PDSS2: variants seen among roughly 807,000 people sequenced by gnomAD.
PDSS2 encodes the protein decaprenyl diphosphate synthase subunit 2.
Under a neutral mutation model 44.5 loss-of-function variants are expected in PDSS2, and 31 were observed. The observed-to-expected ratio is 0.70, with a 90% CI of 0.52 to 0.94. The LOEUF (loss-of-function observed/expected upper bound fraction) is 0.94, where lower values mean the gene tolerates loss of function less well. Among genes scored for constraint, PDSS2 ranks in the 40% least tolerant of loss-of-function variants. PDSS2 has a pLI of 0.00. For synonymous variants in PDSS2, 157 were observed against 180.3 expected (o/e 0.87, Z 1.03); for missense variants, 452 against 482.2 (o/e 0.94, Z 0.59).
At chr6:107,314,414 A>G (rs1217667377) in intron 2 of PDSS2, among the ~76,000 whole-genome samples, 1 of 152,106 alleles carries the variant, frequency 6.6e-6, no homozygotes, top group Non-Finnish European at 1.5e-5. Flanking sequence ...TTCTTTAATT[A>G]CAGTTTCCCA....
chr6:107,376,659 C>T (rs1779294365), intron 1 of PDSS2, among the ~76,000 whole-genome samples: 2 of 152,062 alleles, frequency 1.3e-5, no homozygotes, highest in African/African-American at 4.8e-5. Flanking sequence ...AGATTTTGGG[C>T]TGAGACAATG....
At chr6:107,245,237 G>T (rs1254611673) in intron 4 of PDSS2, among the ~76,000 whole-genome samples, 1 of 152,068 alleles carries the variant, frequency 6.6e-6, no homozygotes. Context: ...AGCACGAGCT[G>T]CTCCTCCAGC....
At chr6:107,234,737 A>G (rs1011430804) in intron 4 of PDSS2, among the ~76,000 whole-genome samples, 1 of 152,144 alleles carries the variant, frequency 6.6e-6, no homozygotes, top group African/African-American at 2.4e-5. Flanking sequence ...TAGATGCAAA[A>G]CATTGGTGTC....
intron 3 of PDSS2, among the ~76,000 whole-genome samples, chr6:107,272,619 A>T (rs903504778): frequency 1.3e-5 from 2 of 152,200 alleles, no homozygotes; most frequent in African/African-American, 4.8e-5. Context: ...ATCAAACCTA[A>T]TCCTAACTGA....
intron 7 of PDSS2, among the ~76,000 whole-genome samples, chr6:107,169,836 G>A (rs1161775857): frequency 2.0e-5 from 3 of 152,114 alleles, no homozygotes; most frequent in Non-Finnish European, 4.4e-5. Context: ...TGTTCCTCTG[G>A]AAGCCTTGTC....
intron 4 of PDSS2, among the ~76,000 whole-genome samples, chr6:107,235,964 C>G (rs994449022): frequency 6.6e-6 from 1 of 151,704 alleles, no homozygotes; most frequent in African/African-American, 2.4e-5. Context: ...TTAAAGCAGC[C>G]TACTATGTAA....
chr6:107,227,963 A>C (rs892824827), intron 4 of PDSS2, among the ~76,000 whole-genome samples: 14 of 152,212 alleles, frequency 9.2e-5, no homozygotes, highest in African/African-American at 3.4e-4. Context: ...GCCTATAGAC[A>C]GATGGTAATT....
intron 4 of PDSS2, among the ~76,000 whole-genome samples, chr6:107,227,278 C>CCTTTT (rs1773861831): frequency 9.7e-6 from 1 of 102,812 alleles, no homozygotes; most frequent in Admixed American, 9.6e-5. Context: ...CCACTGTGCC[C>CCTTTT]TTTTTTTTTT....
chr6:107,297,527 C>T (rs1262100592), intron 2 of PDSS2, among the ~76,000 whole-genome samples: 3 of 151,562 alleles, frequency 2.0e-5, no homozygotes, highest in African/African-American at 7.3e-5. Context: ...GGGTTACAGG[C>T]GTCCGTCACC....
chr6:107,225,109 C>T (rs997130316), intron 4 of PDSS2, among the ~76,000 whole-genome samples: 8 of 119,354 alleles, frequency 6.7e-5, no homozygotes, highest in African/African-American at 3.7e-5. Flanking sequence ...CCAAGAAGGA[C>T]GAAGGAAGCT....
intron 1 of PDSS2, among the ~76,000 whole-genome samples, chr6:107,336,426 T>A (rs1234892167): frequency 6.6e-6 from 1 of 152,102 alleles, no homozygotes; most frequent in Non-Finnish European, 1.5e-5. Flanking sequence ...CTTAACCAAG[T>A]AGGCAATCTT....
chr6:107,265,440 T>C (rs1390163434), intron 3 of PDSS2, among the ~76,000 whole-genome samples: 2 of 152,172 alleles, frequency 1.3e-5, no homozygotes, highest in African/African-American at 4.8e-5. Context: ...TAATTACCAA[T>C]ATACATCCTC....
intron 1 of PDSS2, among the ~76,000 whole-genome samples, chr6:107,342,836 C>T (rs1388052927): frequency 1.3e-5 from 2 of 152,210 alleles, no homozygotes; most frequent in Non-Finnish European, 2.9e-5. Flanking sequence ...AACAACTTCA[C>T]CACCACCAAG....
At chr6:107,430,100 C>T (rs982624497) in intron 1 of PDSS2, among the ~76,000 whole-genome samples, 1 of 151,598 alleles carries the variant, frequency 6.6e-6, no homozygotes, top group African/African-American at 2.4e-5. Flanking sequence ...CTTCAGCTCC[C>T]TATTTTCTAT....
intron 7 of PDSS2, among the ~76,000 whole-genome samples, chr6:107,156,872 A>G (rs1310564071): frequency 6.6e-6 from 1 of 152,100 alleles, no homozygotes; most frequent in East Asian, 1.9e-4. Context: ...CAGTCTTTCT[A>G]TCTCTTCAGA....
chr6:107,293,539 G>A lies in PDSS2; in HGVS notation c.432-19312C>T, dbSNP rs564163447. ...TTCAGTTCTCTGCTCTGATAATTAC[G>A]AATTGTATCCATGGTCTGGCAGGTG... On this transcript the variant is annotated intron_variant, in intron 2 of 7. Transcript: ENST00000369037. Among the ~76,000 whole-genome samples the A allele has an allele frequency of 1.2e-4, 19 of 152,186 alleles. No homozygotes were observed. The South Asian group carries it at 3.1e-3, about 25-fold the overall frequency.
At chr6:107,234,028 A>G (rs1774144051) in intron 4 of PDSS2, among the ~76,000 whole-genome samples, 1 of 152,052 alleles carries the variant, frequency 6.6e-6, no homozygotes. Flanking sequence ...AAAATAAGTT[A>G]TCTGTATCAT....
chr6:107,408,467 A>T (rs1159115598), intron 1 of PDSS2, among the ~76,000 whole-genome samples: 1 of 152,224 alleles, frequency 6.6e-6, no homozygotes, highest in Middle Eastern at 3.2e-3. Flanking sequence ...GAGTCCTCTG[A>T]GACTGTAACT....
intron 1 of PDSS2, among the ~76,000 whole-genome samples, chr6:107,413,359 T>C (rs1157640828): frequency 3.9e-5 from 6 of 152,128 alleles, no homozygotes; most frequent in Non-Finnish European, 8.8e-5. Flanking sequence ...CTGAGCAACA[T>C]AGCAAGACTC....
Sources: allele counts gnomAD v4.1 joint callset (sites outside exome capture counted in the v4.1 genomes callset), GRCh38; gene constraint gnomAD v4.1.1; transcripts MANE v1.5; gene names NCBI Gene and HGNC (gene_info 2026-07-23, HGNC 2026-07-21).